The following LRP1B variants were observed in gnomAD, a reference collection of about 807,000 sequenced individuals.
LRP1B encodes the protein LDL receptor related protein 1B, also known as low-density lipoprotein receptor-related protein 1B.
In LRP1B, 217 loss-of-function variants were observed where a neutral mutation model predicts 556.6. The observed-to-expected ratio is 0.39, with a 90% CI of 0.35 to 0.44. LRP1B has a LOEUF of 0.44. Among genes scored for constraint, LRP1B ranks in the 20% least tolerant of loss-of-function variants. LRP1B has a pLI of 1.00. For synonymous variants in LRP1B, 2,047 were observed against 1,865.8 expected (o/e 1.10, Z -2.50); for missense variants, 5,053 against 5,620.8 (o/e 0.90, Z 3.23).
intron 87 of LRP1B, among the ~76,000 whole-genome samples, chr2:140,242,537 T>C (rs1680990998): frequency 6.6e-6 from 1 of 151,204 alleles, no homozygotes; most frequent in African/African-American, 2.4e-5. Context: ...AAAATGACCC[T>C]TCTCTTATAT....
chr2:140,530,578 A>C (rs901013507), intron 47 of LRP1B, among the ~76,000 whole-genome samples: 6 of 152,256 alleles, frequency 3.9e-5, no homozygotes, highest in South Asian at 2.1e-4. Context: ...CAAAACTAAA[A>C]GATTCAAGTA....
intron 3 of LRP1B, among the ~76,000 whole-genome samples, chr2:141,360,057 A>C (rs16845910): frequency 0.047 from 7,196 of 152,260 alleles, 287 homozygotes; most frequent in African/African-American, 0.099. Context: ...GACTTTGGGT[A>C]ATGTTACTTG....
At chr2:141,556,686 T>G (rs1200782015) in intron 2 of LRP1B, among the ~76,000 whole-genome samples, 1 of 151,876 alleles carries the variant, frequency 6.6e-6, no homozygotes, top group Non-Finnish European at 1.5e-5. Context: ...GTTAAGAACA[T>G]GAGAGTTTAA....
At chr2:140,657,594 CAT>C (rs1338359985) in intron 41 of LRP1B, among the ~76,000 whole-genome samples, 4 of 82,678 alleles carry the variant, frequency 4.8e-5, no homozygotes, top group African/African-American at 9.6e-5. Flanking sequence ...TACATACATA[CAT>C]ATATATACAT....
In LRP1B at chr2:141,287,539, C is replaced by T. The variant is rs551061907; in HGVS notation, c.344-32898G>A. ...GCACTAAATTTCTCTCTAAGCAATA[C>T]TTTATCTACATCCATCAAATTATAC... On this transcript the variant is annotated intron_variant, in intron 3 of 90. Coordinates refer to ENST00000389484, the MANE Select transcript of LRP1B (RefSeq NM_018557.3). Among the ~76,000 whole-genome samples, 12 of 152,062 alleles carry T rather than the reference C, an allele frequency of 7.9e-5. No individual in the cohort carries two copies. In the South Asian group the frequency reaches 8.3e-4, roughly 10 times the overall value.
chr2:140,660,142 CA>C (rs771686954), intron 41 of LRP1B, among the ~76,000 whole-genome samples: 5 of 148,858 alleles, frequency 3.4e-5, no homozygotes, highest in African/African-American at 5.0e-5. Context: ...TCCTTCCCCT[CA>C]AAAAAAAACT....
chr2:140,566,785 A>C (rs1001942992), intron 43 of LRP1B, among the ~76,000 whole-genome samples: 1 of 152,154 alleles, frequency 6.6e-6, no homozygotes, highest in East Asian at 1.9e-4. Context: ...CTGGGAAAAC[A>C]TACTGTACCC....
At chr2:142,092,651 T>TG (rs568742560) in intron 1 of LRP1B, among the ~76,000 whole-genome samples, 8,784 of 150,752 alleles carry the variant, frequency 0.058, 290 homozygotes, top group Middle Eastern at 0.092. Flanking sequence ...TGTGTGTGTG[T>TG]TTTTGTATGG....
intron 1 of LRP1B, among the ~76,000 whole-genome samples, chr2:142,095,583 G>T (rs1200041979): frequency 1.3e-5 from 2 of 151,602 alleles, no homozygotes; most frequent in African/African-American, 4.8e-5. Flanking sequence ...TACCCATAGG[G>T]TTATATAGGC....
At chr2:141,208,582 AGT>A (rs1682389799) in intron 6 of LRP1B, among the ~76,000 whole-genome samples, 1 of 151,936 alleles carries the variant, frequency 6.6e-6, no homozygotes, top group Admixed American at 6.6e-5. Context: ...AAGGGATGGG[AGT>A]GGCTGGGCGC....
chr2:141,902,639 CT>C (rs2104936537), intron 1 of LRP1B, among the ~76,000 whole-genome samples: 1 of 152,134 alleles, frequency 6.6e-6, no homozygotes, highest in Non-Finnish European at 1.5e-5. Flanking sequence ...CACATTCAAG[CT>C]GCGCTTGAAG....
chr2:141,606,787 C>T (rs925128874), intron 2 of LRP1B, among the ~76,000 whole-genome samples: 3 of 152,208 alleles, frequency 2.0e-5, no homozygotes, highest in African/African-American at 7.2e-5. Context: ...GCCTCCAGAA[C>T]TGTGAGCAAA....
chr2:140,327,106 AAT>A (rs1680529068), intron 79 of LRP1B, among the ~76,000 whole-genome samples: 1 of 152,102 alleles, frequency 6.6e-6, no homozygotes, highest in African/African-American at 2.4e-5. Context: ...AATGCAGTTA[AAT>A]ACCTTAGGCA....
At position 141,934,893 on chromosome 2, in the gene LRP1B, A is replaced by T. The variant is rs549587611; in HGVS notation, c.83-124492T>A. On this transcript the variant is annotated intron_variant, in intron 1 of 90. Coordinates refer to ENST00000389484, the MANE Select transcript of LRP1B (RefSeq NM_018557.3). Reference sequence around the variant, plus strand: ...ACCCAGTCTTGGGTATATCTTCATTAGCAGCATGAAAACAGACTAATACAC... The same window carrying T: ...ACCCAGTCTTGGGTATATCTTCATTTGCAGCATGAAAACAGACTAATACAC... Among the ~76,000 whole-genome samples the T allele has an allele frequency of 3.9e-5, 6 of 152,308 alleles. No homozygotes were observed. The South Asian group carries it at 1.2e-3, about 32-fold the overall frequency.
chr2:140,632,789 A>G (rs1683933424), intron 41 of LRP1B, among the ~76,000 whole-genome samples: 2 of 152,178 alleles, frequency 1.3e-5, no homozygotes, highest in South Asian at 4.1e-4. Flanking sequence ...TAGGCCGGGC[A>G]TCGTGGCTCA....
At chr2:140,635,176 T>C (rs1156650143) in intron 41 of LRP1B, among the ~76,000 whole-genome samples, 1 of 152,104 alleles carries the variant, frequency 6.6e-6, no homozygotes, top group Non-Finnish European at 1.5e-5. Flanking sequence ...AGCTACTTCA[T>C]CTGTTGAAAC....
At chr2:141,194,084 T>C (rs1681642648) in intron 6 of LRP1B, among the ~76,000 whole-genome samples, 1 of 152,116 alleles carries the variant, frequency 6.6e-6, no homozygotes, top group Non-Finnish European at 1.5e-5. Context: ...TAGTTTTATC[T>C]GTAATTTTGC....
chr2:140,606,120 C>T (rs964175709), intron 41 of LRP1B, among the ~76,000 whole-genome samples: 1 of 151,914 alleles, frequency 6.6e-6, no homozygotes, highest in Non-Finnish European at 1.5e-5. Flanking sequence ...ATGGCAAGTA[C>T]TGGTATATAC....
intron 1 of LRP1B, among the ~76,000 whole-genome samples, chr2:141,865,029 T>G (rs924099882): frequency 2.6e-5 from 4 of 152,246 alleles, no homozygotes; most frequent in African/African-American, 9.6e-5. Context: ...AATGAAATTC[T>G]GGATTATTAG....
Sources: gnomAD v4.1 joint callset for allele counts (sites outside exome capture counted in the v4.1 genomes callset) on GRCh38, gnomAD v4.1.1 for gene constraint, MANE v1.5 for transcripts, NCBI Gene and HGNC (gene_info 2026-07-23, HGNC 2026-07-21) for gene names.